Variants in FBXO34 observed in about 807,000 individuals in gnomAD.
FBXO34 encodes the protein F-box only protein 34.
FBXO34 carries 12 observed loss-of-function variants against 24.5 expected under a neutral mutation model. The ratio of observed to expected loss-of-function variants is 0.49; its 90% CI spans 0.31 to 0.79. The LOEUF is 0.79. Ranked by LOEUF, FBXO34 falls within the 30% of genes least tolerant of loss-of-function variation. The pLI is 0.04. For missense variants in FBXO34, 823 were observed against 857.7 expected (o/e 0.96, Z 0.51); for synonymous variants, 320 against 311.9 (o/e 1.03, Z -0.27).
At chr14:55,429,816 C>G in the FBXO34 span, among the ~76,000 whole-genome samples, 1 of 143,294 alleles carries the variant, frequency 7.0e-6, no homozygotes, top group South Asian at 2.3e-4. Flanking sequence ...AATAAGGACA[C>G]ATGCATACAA....
chr14:55,363,948 T>TC (rs1247874444), downstream of FBXO34, among the ~76,000 whole-genome samples: 1 of 129,600 alleles, frequency 7.7e-6, no homozygotes, highest in Non-Finnish European at 1.8e-5. Flanking sequence ...CTGCCAATTT[T>TC]CTTTTTTTTT....
intron 1 of FBXO34, chr14:55,318,310 C>T (rs1449599715): frequency 9.5e-6 from 1 of 104,764 alleles, no homozygotes; most frequent in African/African-American, 3.6e-5. Context: ...TAGGCATAGC[C>T]AATCCCCTGT....
At position 55,336,969 on chromosome 14, in the gene FBXO34, T is replaced by A. The variant is rs187854430; in HGVS notation, c.-10-13412T>A. Among the ~76,000 whole-genome samples, 880 of 113,538 alleles carry A rather than the reference T, an allele frequency of 7.8e-3. 14 individuals carry two copies. Among genetic ancestry groups the A allele is most frequent in the African/African-American group, 0.044 (837 of 19,236 alleles). The allele number at this position is 113,538 out of a possible 152,430, so 74.5% of individuals were successfully genotyped here. On this transcript the variant is annotated intron_variant, in intron 1 of 1. Coordinates refer to ENST00000313833, the MANE Select transcript of FBXO34 (RefSeq NM_017943.4). ...TGGTTGGTAGGTCTCTTCACTCTTT[T>A]TTTTATTTTATTTTTTTTTTTTTTT... is the stretch of plus-strand genomic sequence containing the variant.
intron 1 of FBXO34, among the ~76,000 whole-genome samples, chr14:55,302,196 A>G (rs572557088): frequency 6.6e-6 from 1 of 152,218 alleles, no homozygotes; most frequent in African/African-American, 2.4e-5. Context: ...AAAACAGTTT[A>G]CTGATAGGAG....
At position 55,352,410 on chromosome 14, in the gene FBXO34, G is replaced by A; in HGVS notation, c.2020G>A (p.Gly674Arg). Residue 674 changes from glycine (G) to arginine (R), a missense_variant, in exon 2 of 2, where the codon GGA (glycine) becomes AGA (arginine). This residue lies in a region of FBXO34 where 130 missense variants were observed against 198.6 expected (regional missense o/e 0.65). Transcript: ENST00000313833. ...GATGTGCTGCCACCGGTCTCAGAAA[G>A]GATTCCCTGGCTGTAAGCTGGGGCT... ...YWMCCHRSQKGFPGCKLGLHD... is the reference protein window; with the variant it reads ...YWMCCHRSQKRFPGCKLGLHD... 6.2e-7 allele frequency: 1 copy of A among 1,614,232 alleles called. No homozygotes were observed. The highest frequency in any genetic ancestry group is 1.1e-5 in the South Asian group (1 of 91,090).
chr14:55,383,419 T>C, the FBXO34 span, among the ~76,000 whole-genome samples: 3 of 151,522 alleles, frequency 2.0e-5, no homozygotes, highest in East Asian at 5.8e-4. Context: ...GGCGTGGTGG[T>C]GGGTGCCTGT....
intron 3 of FBXO34, among the ~76,000 whole-genome samples, chr14:55,360,402 A>C (rs1186966976): frequency 6.6e-6 from 1 of 152,070 alleles, no homozygotes; most frequent in African/African-American, 2.4e-5. Flanking sequence ...GCTCATCCAT[A>C]AGAAGCAACT....
chr14:55,424,275 ATG>A, the FBXO34 span: 1 of 1,521,272 alleles, frequency 6.6e-7, no homozygotes, highest in Non-Finnish European at 9.1e-7. Flanking sequence ...TAAAAGGAAA[ATG>A]TTAAAAATAG....
chr14:55,440,848 GA>G, the FBXO34 span, among the ~76,000 whole-genome samples: 3,853 of 151,014 alleles, frequency 0.026, 127 homozygotes, highest in African/African-American at 0.076. Flanking sequence ...TGGAAAGTGA[GA>G]AAAAAAAAGG....
chr14:55,350,953 C>T lies in FBXO34; in HGVS notation c.563C>T (p.Ser188Phe). 1 of 1,614,170 alleles carries T rather than the reference C, an allele frequency of 6.2e-7. No individual in the cohort carries two copies. Among genetic ancestry groups the T allele is most frequent in the Non-Finnish European group, 8.5e-7 (1 of 1,180,022 alleles). Residue 188 changes from serine to phenylalanine, a missense_variant, in exon 2 of 2, where the codon TCT (serine) becomes TTT (phenylalanine). Physicochemically the swap from Ser to Phe is radical, Grantham distance 155. This residue lies in a region of FBXO34 where 693 missense variants were observed against 659.1 expected (regional missense o/e 1.05). Coordinates refer to ENST00000313833, the MANE Select transcript of FBXO34 (RefSeq NM_017943.4). ...EPFACGIEHC[S>F]VHYVSDSGDG... ...TTTGCATGTGGCATTGAGCACTGTT[C>T]TGTGCACTATGTGAGTGACAGTGGG...
chr14:55,424,052 A>G, the FBXO34 span: 11 of 732,158 alleles, frequency 1.5e-5, no homozygotes, highest in Admixed American at 2.4e-5. Context: ...GGTATTCTGT[A>G]TAACAAGAAT....
intron 1 of FBXO34, among the ~76,000 whole-genome samples, chr14:55,335,726 A>T (rs1348045645): frequency 1.3e-5 from 2 of 152,218 alleles, no homozygotes; most frequent in African/African-American, 4.8e-5. Flanking sequence ...AATGCTTATT[A>T]TACTTTTAAT....
chr14:55,315,590 C>T (rs1198756725), intron 1 of FBXO34, among the ~76,000 whole-genome samples: 1 of 152,178 alleles, frequency 6.6e-6, no homozygotes, highest in Non-Finnish European at 1.5e-5. Flanking sequence ...AAATGTCTTA[C>T]TCTGTTCTTA....
exon 3 of FBXO34, chr14:55,367,396 A>G (rs1165936159): frequency 6.6e-6 from 1 of 152,280 alleles, no homozygotes; most frequent in Non-Finnish European, 1.5e-5. Flanking sequence ...ATGGAAGCCC[A>G]GCAATCAATC....
At chr14:55,272,008 C>T (rs1465360569) in intron 1 of FBXO34, 1 of 152,298 alleles carries the variant, frequency 6.6e-6, no homozygotes, top group Non-Finnish European at 1.5e-5. Context: ...TGTCCTTAAC[C>T]TTCTTCAACG....
the FBXO34 span, among the ~76,000 whole-genome samples, chr14:55,376,065 A>C: frequency 2.6e-5 from 4 of 152,164 alleles, no homozygotes; most frequent in African/African-American, 4.8e-5. Flanking sequence ...AATGTGATGA[A>C]ATAATAAATA....
intron 1 of FBXO34, among the ~76,000 whole-genome samples, chr14:55,279,579 T>G (rs1881464548): frequency 6.6e-6 from 1 of 152,222 alleles, no homozygotes; most frequent in Admixed American, 6.5e-5. Flanking sequence ...TATAAACCCT[T>G]GGAGTATGTG....
At chr14:55,361,812 A>G (rs1347862497) in exon 4 of FBXO34, 9 of 152,224 alleles carry the variant, frequency 5.9e-5, no homozygotes, top group Non-Finnish European at 1.2e-4. Flanking sequence ...TCTCTCAACC[A>G]TCAGAGAATT....
chr14:55,437,979 G>A, the FBXO34 span, among the ~76,000 whole-genome samples: 2 of 152,258 alleles, frequency 1.3e-5, no homozygotes, highest in South Asian at 2.1e-4. Flanking sequence ...ATCCAGCAAC[G>A]GAGAGAATGA....
Sources: gnomAD v4.1 joint callset for allele counts (sites outside exome capture counted in the v4.1 genomes callset) on GRCh38, gnomAD v4.1.1 for gene constraint, gnomAD v4.1.1 regional missense constraint, MANE v1.5 for transcripts, NCBI Gene and HGNC (gene_info 2026-07-23, HGNC 2026-07-21) for gene names.